SP100: variants seen among roughly 807,000 people sequenced by gnomAD.
The protein encoded by SP100 is nuclear autoantigen Sp-100.
In SP100, 84 loss-of-function variants were observed where a neutral mutation model predicts 130.0. That is an observed-to-expected ratio of 0.65 (90% confidence interval 0.54 to 0.77). The LOEUF is 0.77. Among genes scored for constraint, SP100 ranks in the 30% least tolerant of loss-of-function variants. SP100 has a pLI of 0.00. For missense variants in SP100, 978 were observed against 1,052.2 expected, an observed-to-expected ratio of 0.93 and a Z score of 0.97; for synonymous variants, 331 against 351.7, an observed-to-expected ratio of 0.94 and a Z score of 0.66.
At chr2:230,485,909 T>C (rs2066060213) in intron 17 of SP100, among the ~76,000 whole-genome samples, 2 of 152,212 alleles carry the variant, frequency 1.3e-5, no homozygotes, top group South Asian at 4.1e-4. Flanking sequence ...GCATTCTGTC[T>C]TCTATTCATT....
At chr2:230,449,490 T>C (rs564242990) in intron 6 of SP100, 71 bp from the exon 7 acceptor site, 2 of 1,542,890 alleles carry the variant, frequency 1.3e-6, no homozygotes, top group East Asian at 2.2e-5. Flanking sequence ...TGGCCCGTGC[T>C]GTAGTGGTTG....
Position 230,434,621 on chromosome 2 carries a change from T to C in SP100, c.108-8316T>C, listed in dbSNP as rs188201647. On this transcript the variant is annotated intron_variant, in intron 2 of 28. Transcript: ENST00000340126. ...ATGAGAAAAAAAAATAGAGGCAGAT[T>C]AGGAGCTTGGGAGTGTGGGGGCAGG... Among the ~76,000 whole-genome samples, 11 of 152,118 alleles carry C rather than the reference T, an allele frequency of 7.2e-5. No homozygotes were observed. The East Asian group carries it at 1.9e-3, about 27-fold the overall frequency.
intron 22 of SP100, chr2:230,507,508 T>G (rs1360768193): frequency 1.3e-5 from 2 of 152,588 alleles, no homozygotes; most frequent in Non-Finnish European, 2.9e-5. Flanking sequence ...AGGAAGGCTG[T>G]GCTTTCATAA....
At chr2:230,497,544 GAGGAAAGGAAAGGAAAGGAA>G (rs1231660014) in intron 18 of SP100, among the ~76,000 whole-genome samples, 257 of 19,272 alleles carry the variant, frequency 0.013, 8 homozygotes, top group East Asian at 0.034. Flanking sequence ...GAGGAGAGGA[GAGGAAAGGAAAGGAAAGGAA>G]AGGAAAGGAA....
In SP100 at chr2:230,515,220, G is replaced by A. The variant is rs141113653; in HGVS notation, c.2094+4054G>A. On this transcript the variant is annotated intron_variant, in intron 24 of 28. Coordinates refer to ENST00000340126, the MANE Select transcript of SP100 (RefSeq NM_001080391.2). The stretch of plus-strand genomic sequence containing the variant: ...GAAAATTTGAAGATATGGCAAAGGC[G>A]GACAAGGCCCATTATGAAAGAGAAA... 251 of 1,613,524 alleles carry A rather than the reference G, an allele frequency of 1.6e-4. No individual in the cohort carries two copies. In the African/African-American group the frequency reaches 2.8e-3, roughly 18 times the overall value.
intron 8 of SP100, among the ~76,000 whole-genome samples, chr2:230,459,298 T>C (rs182987000): frequency 6.6e-6 from 1 of 152,204 alleles, no homozygotes; most frequent in Admixed American, 6.5e-5. Flanking sequence ...CATTCTCTGA[T>C]CTGAGGAGAT....
chr2:230,506,656 C>G (rs1690126674), intron 22 of SP100: 1 of 465,358 alleles, frequency 2.1e-6, no homozygotes, highest in East Asian at 3.5e-5. Context: ...ATTTCTTACC[C>G]TTTTGAAGGT....
At position 230,474,397 on chromosome 2, in the gene SP100, C is replaced by T. The variant is rs1389357209; in HGVS notation, c.1550C>T (p.Thr517Ile). The T allele has an allele frequency of 3.9e-6, 6 of 1,526,016 alleles. No individual in the cohort carries two copies. The South Asian group carries it at 4.6e-5, about 12-fold the overall frequency. The allele number at this position is 1,526,016 out of a possible 1,614,324, so 94.5% of individuals were successfully genotyped here. The change falls in exon 17 of 29, where the codon ACC (threonine) becomes ATC (isoleucine). Residue 517 changes from threonine to isoleucine, a missense_variant. Transcript: ENST00000340126. ...ACCACTACCTGTCACTTTCTAGATA[C>T]CATGGATGTTGAAAACAATTCTACT... ...ESSQASDMMD[T>I]MDVENNSTLE...
intron 24 of SP100, chr2:230,515,368 G>T: frequency 6.2e-7 from 1 of 1,613,858 alleles, no homozygotes; most frequent in South Asian, 1.1e-5. Flanking sequence ...AATCAAAGGA[G>T]AACATCCTGG....
intron 16 of SP100, 29 bp downstream of exon 16, chr2:230,473,469 A>C (rs757745966): frequency 4.3e-6 from 6 of 1,390,074 alleles, no homozygotes; most frequent in Non-Finnish European, 5.1e-6. Flanking sequence ...CTTGGGATGG[A>C]AGTGGCTCAG....
intron 24 of SP100, among the ~76,000 whole-genome samples, chr2:230,521,938 A>C (rs1461003829): frequency 6.6e-6 from 1 of 152,206 alleles, no homozygotes; most frequent in Non-Finnish European, 1.5e-5. Flanking sequence ...CTATTGGGGA[A>C]CATTTTAAAG....
chr2:230,416,833 A>G, intron 1 of SP100: 1 of 985,522 alleles, frequency 1.0e-6, no homozygotes, highest in Non-Finnish European at 1.2e-6. Flanking sequence ...CTGAGTTCTT[A>G]TTCCATCAAC....
At chr2:230,449,525 G>A (rs766324863) in intron 6 of SP100, 36 bp from the exon 7 acceptor site, 2 of 1,612,562 alleles carry the variant, frequency 1.2e-6, no homozygotes, top group African/African-American at 1.3e-5. Context: ...GCAGCAGAGG[G>A]CAAATAAAAT....
At chr2:230,525,799 A>G (rs1691393334) in intron 24 of SP100, among the ~76,000 whole-genome samples, 1 of 152,228 alleles carries the variant, frequency 6.6e-6, no homozygotes, top group Admixed American at 6.5e-5. Flanking sequence ...CACTGCTAGC[A>G]CATCAATCTG....
intron 23 of SP100, chr2:230,509,347 A>G (rs1299494862): frequency 3.3e-5 from 5 of 152,204 alleles, no homozygotes; most frequent in African/African-American, 1.2e-4. Context: ...GGAAGTCACA[A>G]TCTTTACAAA....
chr2:230,466,193 A>C (rs1462983413), intron 11 of SP100, 108 bp from the exon 12 acceptor site: 1 of 570,832 alleles, frequency 1.8e-6, no homozygotes, highest in Non-Finnish European at 3.1e-6. Flanking sequence ...TCAAAAAAAA[A>C]AAAAAAAAAA....
At chr2:230,428,598 A>G (rs1201363462) in intron 2 of SP100, among the ~76,000 whole-genome samples, 1 of 152,138 alleles carries the variant, frequency 6.6e-6, no homozygotes, top group Non-Finnish European at 1.5e-5. Context: ...GCCCGCCACC[A>G]CACCCAGCTA....
intron 7 of SP100, 115 bp from the exon 8 acceptor site, chr2:230,450,056 CA>C (rs1398871834): frequency 2.2e-5 from 16 of 714,922 alleles, no homozygotes; most frequent in Admixed American, 5.1e-5. Flanking sequence ...TATATGCAGA[CA>C]GGGGTATAAG....
rs376175517 is a variant in SP100 at position 230,436,014 on chromosome 2, C to A, written c.108-6923C>A. On this transcript the variant is annotated intron_variant, in intron 2 of 28. Transcript: ENST00000340126. Reference sequence around the variant, plus strand: ...CAAACTAATGCAGGAATATTTTATCCAGTTTCAATGGGGTTCCAGGTTGCA... The same window carrying A: ...CAAACTAATGCAGGAATATTTTATCAAGTTTCAATGGGGTTCCAGGTTGCA... Among the ~76,000 whole-genome samples the A allele has an allele frequency of 3.3e-5, 5 of 151,960 alleles. No homozygotes were observed. In the East Asian group the frequency reaches 5.8e-4, roughly 18 times the overall value.
Sources: allele counts gnomAD v4.1 joint callset (sites outside exome capture counted in the v4.1 genomes callset), GRCh38; gene constraint gnomAD v4.1.1; transcripts MANE v1.5; gene names NCBI Gene and HGNC (gene_info 2026-07-23, HGNC 2026-07-21).